TASP1: variants seen among roughly 807,000 people sequenced by gnomAD.
The protein encoded by TASP1 is taspase 1, also known as threonine aspartase 1.
A neutral mutation model predicts 56.6 loss-of-function variants in TASP1; 16 were observed. The ratio of observed to expected loss-of-function variants is 0.28; its 90% CI spans 0.19 to 0.43. The LOEUF (loss-of-function observed/expected upper bound fraction) is 0.43, where lower values mean the gene tolerates loss of function less well. Ranked by LOEUF, TASP1 falls within the 20% of genes least tolerant of loss-of-function variation. The pLI is 1.00. For missense variants in TASP1, 393 were observed against 511.6 expected (o/e 0.77, Z 2.24); for synonymous variants, 179 against 184.2 (o/e 0.97, Z 0.23).
chr20:13,456,716 ATT>A (rs1374261634), intron 11 of TASP1, among the ~76,000 whole-genome samples: 2 of 152,100 alleles, frequency 1.3e-5, no homozygotes, highest in African/African-American at 4.8e-5. Context: ...GACCAAATTG[ATT>A]TGTCAGTCAC....
intron 12 of TASP1, among the ~76,000 whole-genome samples, chr20:13,419,376 A>T (rs2146080133): frequency 6.6e-6 from 1 of 152,302 alleles, no homozygotes; most frequent in Admixed American, 6.5e-5. Context: ...AAAAGGAATC[A>T]TGGTTGTCCC....
chr20:13,538,002 C>CTTTT (rs202194017), intron 8 of TASP1, among the ~76,000 whole-genome samples: 8 of 139,596 alleles, frequency 5.7e-5, no homozygotes, highest in East Asian at 2.1e-4. Context: ...ATCTATCAGT[C>CTTTT]TTTTTTTTTT....
At chr20:13,638,191 T>C (rs1225331053) in intron 1 of TASP1, among the ~76,000 whole-genome samples, 1 of 152,216 alleles carries the variant, frequency 6.6e-6, no homozygotes, top group African/African-American at 2.4e-5. Flanking sequence ...ATTAAACTCC[T>C]AAGAATATAA....
rs750002333 is a variant in TASP1 at position 13,483,216 on chromosome 20, G to A, written c.985+11C>T. 13 of 1,555,570 alleles carry A rather than the reference G, an allele frequency of 8.4e-6. No homozygotes were observed. In the East Asian group the frequency reaches 1.4e-4, roughly 17 times the overall value. On this transcript the variant is annotated intron_variant, in intron 11 of 13. Coordinates refer to ENST00000337743, the MANE Select transcript of TASP1 (RefSeq NM_017714.3). ...ATTTAGAAGATGTAATCTTCTTAAT[G>A]TTATACTTACTGATAAACTTGTTTT...
chr20:13,137,962 A>G, the TASP1 span, among the ~76,000 whole-genome samples: 79 of 152,210 alleles, frequency 5.2e-4, no homozygotes, highest in Non-Finnish European at 9.7e-4. Context: ...ACTTGAGACA[A>G]AGGAAATCTG....
At chr20:13,379,326 G>A in the TASP1 span, among the ~76,000 whole-genome samples, 2 of 152,048 alleles carry the variant, frequency 1.3e-5, no homozygotes, top group African/African-American at 2.4e-5. Flanking sequence ...TTTCTCTTTT[G>A]CTTATGAAGC....
At chr20:13,127,993 G>A in the TASP1 span, among the ~76,000 whole-genome samples, 1 of 152,198 alleles carries the variant, frequency 6.6e-6, no homozygotes, top group Non-Finnish European at 1.5e-5. Flanking sequence ...CCTTAGATGA[G>A]TGACTTATCT....
chr20:13,357,719 T>C, the TASP1 span, among the ~76,000 whole-genome samples: 1 of 152,188 alleles, frequency 6.6e-6, no homozygotes, highest in Non-Finnish European at 1.5e-5. Flanking sequence ...GCCCTGCTAA[T>C]CTTAATAGCC....
chr20:13,359,823 A>G, the TASP1 span, among the ~76,000 whole-genome samples: 31,252 of 148,894 alleles, frequency 0.21, 3,291 homozygotes, highest in African/African-American at 0.38. Context: ...CCTCCTTTGC[A>G]TCCTCCTCTT....
the TASP1 span, among the ~76,000 whole-genome samples, chr20:13,335,254 A>G: frequency 6.6e-6 from 1 of 151,926 alleles, no homozygotes; most frequent in Non-Finnish European, 1.5e-5. Context: ...GCAAAGGTGA[A>G]GTAAAAGTCT....
intron 8 of TASP1, among the ~76,000 whole-genome samples, chr20:13,543,578 G>A (rs2045699936): frequency 6.6e-6 from 1 of 152,168 alleles, no homozygotes; most frequent in South Asian, 2.1e-4. Flanking sequence ...TCCAGCCTGG[G>A]TGACCCAGCG....
At chr20:13,499,746 A>G (rs1480494919) in intron 10 of TASP1, among the ~76,000 whole-genome samples, 2 of 144,730 alleles carry the variant, frequency 1.4e-5, no homozygotes, top group African/African-American at 4.9e-5. Context: ...AATGCTTGTT[A>G]TTTAAGCCAA....
chr20:13,143,669 A>T, the TASP1 span, among the ~76,000 whole-genome samples: 3 of 152,160 alleles, frequency 2.0e-5, no homozygotes, highest in Admixed American at 6.5e-5. Flanking sequence ...TGTTCAGTGC[A>T]TCCTACCCTA....
chr20:13,575,485 T>C (rs2046870039), intron 6 of TASP1, among the ~76,000 whole-genome samples: 1 of 152,228 alleles, frequency 6.6e-6, no homozygotes, highest in Non-Finnish European at 1.5e-5. Flanking sequence ...CACGTTGTCT[T>C]GCCTGCCATC....
At chr20:13,576,620 A>G (rs6042222) in intron 6 of TASP1, among the ~76,000 whole-genome samples, 37,114 of 152,164 alleles carry the variant, frequency 0.24, 4,830 homozygotes, top group Non-Finnish European at 0.29. Flanking sequence ...TGGAAACTAT[A>G]AAACAGTTGG....
the TASP1 span, among the ~76,000 whole-genome samples, chr20:13,380,894 C>T: frequency 6.6e-6 from 1 of 152,204 alleles, no homozygotes; most frequent in East Asian, 1.9e-4. Context: ...AAACCGCCTA[C>T]TCAAGCCTCA....
the TASP1 span, among the ~76,000 whole-genome samples, chr20:13,107,015 T>C: frequency 6.6e-6 from 1 of 152,214 alleles, no homozygotes; most frequent in Non-Finnish European, 1.5e-5. Flanking sequence ...TAATGTAGTC[T>C]GCAGCAAGTT....
At chr20:13,371,048 G>A in the TASP1 span, among the ~76,000 whole-genome samples, 3 of 152,092 alleles carry the variant, frequency 2.0e-5, no homozygotes, top group South Asian at 4.1e-4. Context: ...AGGCATTTGA[G>A]TCTTCTCTCT....
At chr20:13,562,089 T>C (rs1461385093) in intron 7 of TASP1, among the ~76,000 whole-genome samples, 2 of 152,330 alleles carry the variant, frequency 1.3e-5, no homozygotes, top group Non-Finnish European at 2.9e-5. Flanking sequence ...TATTGTACAA[T>C]GTATCTTCTC....
Sources: gnomAD v4.1 joint callset for allele counts (sites outside exome capture counted in the v4.1 genomes callset) on GRCh38, gnomAD v4.1.1 for gene constraint, MANE v1.5 for transcripts, NCBI Gene and HGNC (gene_info 2026-07-23, HGNC 2026-07-21) for gene names.